The following TSPAN5 variants were observed in gnomAD, a reference collection of about 807,000 sequenced individuals.
TSPAN5 encodes the protein tetraspanin 5.
In TSPAN5, 10 loss-of-function variants were observed where a neutral mutation model predicts 37.1. The observed-to-expected ratio is 0.27, with a 90% CI of 0.17 to 0.46. The LOEUF is 0.46. Among genes scored for constraint, TSPAN5 ranks in the 20% least tolerant of loss-of-function variants. TSPAN5 has a pLI of 1.00. For synonymous variants in TSPAN5, 110 were observed against 118.9 expected (o/e 0.93, Z 0.48); for missense variants, 195 against 326.6 (o/e 0.60, Z 3.11).
At chr4:98,585,174 G>A (rs1254065987) in intron 1 of TSPAN5, among the ~76,000 whole-genome samples, 2 of 152,118 alleles carry the variant, frequency 1.3e-5, no homozygotes, top group Non-Finnish European at 2.9e-5. Context: ...CATATTTTCT[G>A]GTGTGCATAT....
At chr4:98,601,922 G>A (rs1466719786) in intron 1 of TSPAN5, among the ~76,000 whole-genome samples, 1 of 152,158 alleles carries the variant, frequency 6.6e-6, no homozygotes, top group Non-Finnish European at 1.5e-5. Context: ...TTTCAATATT[G>A]TTGTGTCTCA....
At chr4:98,494,879 T>G (rs1013351533) in intron 2 of TSPAN5, among the ~76,000 whole-genome samples, 3 of 151,788 alleles carry the variant, frequency 2.0e-5, no homozygotes, top group Non-Finnish European at 4.4e-5. Flanking sequence ...TTGGGGGGAA[T>G]TGGAAATAAT....
At chr4:98,489,266 C>T (rs1057483272) in intron 2 of TSPAN5, among the ~76,000 whole-genome samples, 1 of 152,142 alleles carries the variant, frequency 6.6e-6, no homozygotes, top group East Asian at 1.9e-4. Flanking sequence ...GAAAGGTGAC[C>T]GCACCCACTT....
intron 1 of TSPAN5, among the ~76,000 whole-genome samples, chr4:98,629,811 T>C (rs1756701083): frequency 6.6e-6 from 1 of 152,222 alleles, no homozygotes; most frequent in Non-Finnish European, 1.5e-5. Flanking sequence ...AGGTACAGAC[T>C]GTTAGTGAGT....
At chr4:98,566,695 TGGA>T (rs1379889475) in intron 1 of TSPAN5, among the ~76,000 whole-genome samples, 1 of 152,054 alleles carries the variant, frequency 6.6e-6, no homozygotes, top group Non-Finnish European at 1.5e-5. Flanking sequence ...CTGGATGCTG[TGGA>T]GGAGGGCGGG....
chr4:98,563,272 AG>A (rs1254439419), intron 1 of TSPAN5, among the ~76,000 whole-genome samples: 1 of 151,978 alleles, frequency 6.6e-6, no homozygotes, highest in Non-Finnish European at 1.5e-5. Flanking sequence ...AAGGCAGGTG[AG>A]GGTGAAGAGG....
intron 1 of TSPAN5, among the ~76,000 whole-genome samples, chr4:98,590,040 G>A (rs1460175590): frequency 6.6e-6 from 1 of 152,098 alleles, no homozygotes; most frequent in Admixed American, 6.5e-5. Context: ...CGAAATTCCA[G>A]TCACATCACT....
chr4:98,487,793 G>A (rs990396255), intron 2 of TSPAN5, among the ~76,000 whole-genome samples: 10 of 151,870 alleles, frequency 6.6e-5, no homozygotes, highest in Admixed American at 2.6e-4. Context: ...AACACCAAAC[G>A]GACCTCGAGT....
At chr4:98,483,911 G>A (rs368033287) in intron 3 of TSPAN5, 8 of 155,438 alleles carry the variant, frequency 5.1e-5, no homozygotes, top group East Asian at 1.9e-4. Flanking sequence ...TGTAAATAAC[G>A]CCCTGCCCTG....
chr4:98,566,473 G>A (rs1321980427), intron 1 of TSPAN5, among the ~76,000 whole-genome samples: 1 of 152,130 alleles, frequency 6.6e-6, no homozygotes, highest in Non-Finnish European at 1.5e-5. Context: ...TGACAACCTC[G>A]AGAATAATAC....
In TSPAN5 at chr4:98,472,513, G is replaced by A. The variant is rs1234506309; in HGVS notation, c.*9C>T. The A allele has an allele frequency of 8.1e-6, 13 of 1,613,790 alleles. No individual in the cohort carries two copies. The highest frequency in any genetic ancestry group is 1.1e-5 in the Non-Finnish European group (13 of 1,179,852). ...TGTCCAGTGTCTTGCAGCAGCGGTT[G>A]CAGGGGGTCTACCAGCTCGCCCTGA... On this transcript the variant is annotated 3_prime_UTR_variant, in exon 8 of 8. Coordinates refer to ENST00000305798, the MANE Select transcript of TSPAN5 (RefSeq NM_005723.4).
Position 98,611,818 on chromosome 4 carries a change from G to A in TSPAN5, c.81+46328C>T, listed in dbSNP as rs530258728. On this transcript the variant is annotated intron_variant, in intron 1 of 7. Coordinates refer to ENST00000305798, the MANE Select transcript of TSPAN5 (RefSeq NM_005723.4). ...GAAATGGGCCTGGTGATTTGCTTGC[G>A]TAAGAAACAGAAAAGAACACCCTCT... 6.6e-5 allele frequency among the ~76,000 whole-genome samples: 10 copies of A among 152,348 alleles called. No individual in the cohort carries two copies. In the East Asian group the frequency reaches 7.7e-4, roughly 12 times the overall value.
intron 1 of TSPAN5, among the ~76,000 whole-genome samples, chr4:98,552,589 C>T (rs771838687): frequency 1.3e-5 from 2 of 152,198 alleles, no homozygotes; most frequent in Non-Finnish European, 2.9e-5. Context: ...CAGCATTCCA[C>T]CTATCTCACA....
chr4:98,551,420 T>G, intron 1 of TSPAN5, among the ~76,000 whole-genome samples: 1 of 15,354 alleles, frequency 6.5e-5, no homozygotes, highest in East Asian at 1.0e-3. Flanking sequence ...ATCCTCTCGT[T>G]TTTTTTTTTT....
chr4:98,568,993 C>T (rs1755064388), intron 1 of TSPAN5, among the ~76,000 whole-genome samples: 1 of 152,226 alleles, frequency 6.6e-6, no homozygotes, highest in Admixed American at 6.5e-5. Flanking sequence ...CAAAGTCAGC[C>T]TCACTGTGGA....
chr4:98,614,627 A>G (rs934017477), intron 1 of TSPAN5, among the ~76,000 whole-genome samples: 1 of 152,234 alleles, frequency 6.6e-6, no homozygotes, highest in Admixed American at 6.5e-5. Flanking sequence ...TAACGCCTAT[A>G]TTGAACAAAT....
At chr4:98,519,019 ATGAAT>A (rs971739342) in intron 1 of TSPAN5, among the ~76,000 whole-genome samples, 1 of 152,248 alleles carries the variant, frequency 6.6e-6, no homozygotes, top group African/African-American at 2.4e-5. Context: ...AGTACAAAGA[ATGAAT>A]TGAAGAGAGA....
chr4:98,479,983 C>T (rs558584230), intron 4 of TSPAN5, among the ~76,000 whole-genome samples: 9 of 152,290 alleles, frequency 5.9e-5, no homozygotes, highest in South Asian at 4.2e-4. Flanking sequence ...CCCACCCTCA[C>T]TAAACTTAAT....
chr4:98,492,576 T>C (rs539040559), intron 2 of TSPAN5, among the ~76,000 whole-genome samples: 50 of 152,272 alleles, frequency 3.3e-4, no homozygotes, highest in Admixed American at 9.1e-4. Context: ...GACATGCACA[T>C]AGACACACAG....
Sources: allele counts gnomAD v4.1 joint callset (sites outside exome capture counted in the v4.1 genomes callset), GRCh38; gene constraint gnomAD v4.1.1; transcripts MANE v1.5; gene names NCBI Gene and HGNC (gene_info 2026-07-23, HGNC 2026-07-21).